UBAC2: variants seen among roughly 807,000 people sequenced by gnomAD.
The protein encoded by UBAC2 is UBA domain containing 2.
UBAC2 carries 26 observed loss-of-function variants against 44.0 expected under a neutral mutation model. The observed-to-expected ratio is 0.59, with a 90% confidence interval of 0.43 to 0.82. The LOEUF is 0.82. Among genes scored for constraint, UBAC2 ranks in the 40% least tolerant of loss-of-function variants. The pLI is 0.00. For synonymous variants in UBAC2, 155 were observed against 154.3 expected (o/e 1.00, Z -0.04); for missense variants, 329 against 419.4 (o/e 0.78, Z 1.88).
intron 4 of UBAC2, among the ~76,000 whole-genome samples, chr13:99,296,819 AG>A (rs1391785162): frequency 6.6e-6 from 1 of 152,146 alleles, no homozygotes; most frequent in Non-Finnish European, 1.5e-5. Context: ...AGAAAGATAA[AG>A]AAAATGAGAG....
intron 4 of UBAC2, among the ~76,000 whole-genome samples, chr13:99,277,393 C>A (rs1335752163): frequency 6.6e-6 from 1 of 152,040 alleles, no homozygotes; most frequent in Non-Finnish European, 1.5e-5. Flanking sequence ...AGCATGGTGG[C>A]ACATGCCTGT....
At chr13:99,380,187 A>AT (rs2045532867) in intron 8 of UBAC2, among the ~76,000 whole-genome samples, 1 of 152,198 alleles carries the variant, frequency 6.6e-6, no homozygotes, top group Non-Finnish European at 1.5e-5. Flanking sequence ...AAAGTTTCAA[A>AT]TTCTGGAGCA....
intron 4 of UBAC2, among the ~76,000 whole-genome samples, chr13:99,301,221 A>G (rs2044252382): frequency 1.3e-5 from 2 of 152,232 alleles, no homozygotes; most frequent in African/African-American, 4.8e-5. Flanking sequence ...GAGGGCATGG[A>G]TAATGACTGG....
chr13:99,383,628 G>T (rs1334465287), intron 8 of UBAC2, among the ~76,000 whole-genome samples: 1 of 152,390 alleles, frequency 6.6e-6, no homozygotes, highest in East Asian at 1.9e-4. Flanking sequence ...AGCCAGGGCT[G>T]TGCGTCAGTC....
chr13:99,368,051 G>C, intron 8 of UBAC2, 145 bp downstream of exon 8: 1 of 1,119,114 alleles, frequency 8.9e-7, no homozygotes, highest in Middle Eastern at 2.9e-4. Flanking sequence ...TAGAGACTTT[G>C]GGCTTTTTTT....
intron 1 of UBAC2, among the ~76,000 whole-genome samples, chr13:99,225,782 CAT>C (rs1264486217): frequency 1.3e-5 from 2 of 152,200 alleles, no homozygotes; most frequent in Admixed American, 6.5e-5. Context: ...GACCAATAAA[CAT>C]ATTTCCTTGA....
intron 4 of UBAC2, among the ~76,000 whole-genome samples, chr13:99,296,833 A>T (rs1212955341): frequency 1.3e-5 from 2 of 152,200 alleles, no homozygotes; most frequent in African/African-American, 4.8e-5. Flanking sequence ...AATGAGAGAG[A>T]AAAAGACTTA....
At chr13:99,323,399 A>G (rs547014821) in intron 6 of UBAC2, among the ~76,000 whole-genome samples, 6 of 152,284 alleles carry the variant, frequency 3.9e-5, no homozygotes, top group Admixed American at 3.9e-4. Context: ...CCAAGAGTTC[A>G]ACACCAGCCT....
chr13:99,287,655 T>C (rs112385818), intron 4 of UBAC2, among the ~76,000 whole-genome samples: 1 of 108,820 alleles, frequency 9.2e-6, no homozygotes, highest in South Asian at 3.2e-4. Flanking sequence ...TTTTTTTTTT[T>C]TTTTTTTTTG....
chr13:99,335,353 ACTTC>A, intron 6 of UBAC2, among the ~76,000 whole-genome samples: 1 of 150,484 alleles, frequency 6.6e-6, no homozygotes, highest in African/African-American at 2.4e-5. Context: ...AGGCATTTCT[ACTTC>A]CTTGCCTCCA....
intron 4 of UBAC2, among the ~76,000 whole-genome samples, chr13:99,271,065 C>T (rs144726676): frequency 2.2e-4 from 33 of 152,256 alleles, no homozygotes; most frequent in Non-Finnish European, 4.6e-4. Context: ...CTCTGAGGAT[C>T]CTGCACTGAT....
intron 4 of UBAC2, among the ~76,000 whole-genome samples, chr13:99,245,612 G>C (rs749923064): frequency 7.9e-5 from 12 of 152,218 alleles, no homozygotes; most frequent in Non-Finnish European, 1.6e-4. Context: ...GGAGGCCGAG[G>C]TGGGCGGATC....
In UBAC2 at chr13:99,370,299, CAGAG is replaced by C. The variant is rs1184584200; in HGVS notation, c.927+2399_927+2402del. Among the ~76,000 whole-genome samples the C allele has an allele frequency of 2.6e-5, 4 of 152,224 alleles. No individual in the cohort carries two copies. The South Asian group carries it at 6.2e-4, about 24-fold the overall frequency. On this transcript the variant is annotated intron_variant, in intron 8 of 8. Coordinates refer to ENST00000403766, the MANE Select transcript of UBAC2 (RefSeq NM_001144072.2). ...TGATTGTGTGTATGTGTGACAGAGA[CAGAG>C]AGAGAAAGCAGCTATGGCCAAATAA...
intron 7 of UBAC2, 76 bp downstream of exon 7, chr13:99,340,641 T>A (rs912998764): frequency 6.1e-6 from 9 of 1,479,918 alleles, no homozygotes; most frequent in Non-Finnish European, 8.2e-6. Flanking sequence ...TGATTGCATG[T>A]GAGATAGAGA....
At position 99,203,389 on chromosome 13, in the gene UBAC2, A is replaced by G. The variant is rs149990739; in HGVS notation, c.31+2450A>G. Among the ~76,000 whole-genome samples the G allele has an allele frequency of 7.4e-3, 1,124 of 152,348 alleles. 10 individuals carry two copies. The highest frequency in any genetic ancestry group is 0.057 in the South Asian group (273 of 4,826). ...GCAAATCAAAATTCTGATCCTGAGC[A>G]AGAATCTGAAAGAAGGACGACACGT... On this transcript the variant is annotated intron_variant, in intron 1 of 8. Transcript: ENST00000403766.
intron 4 of UBAC2, among the ~76,000 whole-genome samples, chr13:99,288,516 C>T (rs964469054): frequency 6.6e-6 from 1 of 152,176 alleles, no homozygotes; most frequent in African/African-American, 2.4e-5. Flanking sequence ...CTAACAACTA[C>T]AGTATTGCCA....
intron 4 of UBAC2, chr13:99,255,429 CATTAT>C (rs2043532228): frequency 6.2e-7 from 1 of 1,613,866 alleles, no homozygotes; most frequent in Admixed American, 1.7e-5. Context: ...TGGTCAGGGT[CATTAT>C]CCAGACTCCC....
intron 4 of UBAC2, among the ~76,000 whole-genome samples, chr13:99,268,611 C>CAAAAAAAAA (rs756827927): frequency 4.0e-5 from 3 of 75,734 alleles, no homozygotes; most frequent in Non-Finnish European, 6.9e-5. Flanking sequence ...GACTCTGTCT[C>CAAAAAAAAA]AAAAAAAAAA....
At chr13:99,290,302 G>A (rs183612448) in intron 4 of UBAC2, among the ~76,000 whole-genome samples, 1 of 152,216 alleles carries the variant, frequency 6.6e-6, no homozygotes, top group Admixed American at 6.5e-5. Context: ...TTGTTAATCT[G>A]CTGGCTTCTG....
Sources: gnomAD v4.1 joint callset for allele counts (sites outside exome capture counted in the v4.1 genomes callset) on GRCh38, gnomAD v4.1.1 for gene constraint, MANE v1.5 for transcripts, NCBI Gene and HGNC (gene_info 2026-07-23, HGNC 2026-07-21) for gene names.